TRPM2: variants seen among roughly 807,000 people sequenced by gnomAD.
TRPM2 encodes the protein estrogen-responsive element-associated gene 1 protein.
TRPM2 carries 161 observed loss-of-function variants against 174.0 expected under a neutral mutation model. That is an observed-to-expected ratio of 0.93 (90% CI 0.81 to 1.05). The LOEUF is 1.05. Ranked by LOEUF, TRPM2 falls within the 50% of genes least tolerant of loss-of-function variation. TRPM2 has a pLI of 0.00. For synonymous variants in TRPM2, 954 were observed against 861.3 expected, an observed-to-expected ratio of 1.11 and a Z score of -1.88; for missense variants, 2,057 against 2,038.0, an observed-to-expected ratio of 1.01 and a Z score of -0.18.
At chr21:44,405,345 A>C in intron 17 of TRPM2, 85 bp downstream of exon 17, 1 of 1,570,616 alleles carries the variant, frequency 6.4e-7, no homozygotes. Context: ...AGAACCAGCC[A>C]CACCGGGTGA....
rs1311035642 is a variant in TRPM2 at position 44,406,079 on chromosome 21, C to T, written c.2790+42C>T. 1.9e-6 allele frequency: 3 copies of T among 1,596,274 alleles called. No individual in the cohort carries two copies. The African/African-American group carries it at 4.0e-5, about 21-fold the overall frequency. Reference sequence around the variant, plus strand: ...ACCGGCTCCATCGCGGCCTGCAGCCCAGGGTGGGCCTCGGGGAGGGCAGGC... The same window carrying T: ...ACCGGCTCCATCGCGGCCTGCAGCCTAGGGTGGGCCTCGGGGAGGGCAGGC... On this transcript the variant is annotated intron_variant, in intron 18 of 31. Transcript: ENST00000397928.
chr21:44,395,292 C>A (rs1187526773), intron 11 of TRPM2, 122 bp from the exon 12 acceptor site: 8 of 1,254,286 alleles, frequency 6.4e-6, no homozygotes, highest in Non-Finnish European at 8.6e-6. Flanking sequence ...TGTAGTTCTC[C>A]AGGGACAGTG....
chr21:44,353,583 GTC>G, upstream of TRPM2: 1 of 1,282,588 alleles, frequency 7.8e-7, no homozygotes, highest in East Asian at 3.1e-5. Flanking sequence ...TCATCTTCCT[GTC>G]TCTGATCTAT....
In TRPM2 at chr21:44,439,265, T is replaced by C. The variant is rs2146428280; in HGVS notation, c.4269+97T>C. On this transcript the variant is annotated intron_variant, in intron 30 of 31. Coordinates refer to ENST00000397928, the MANE Select transcript of TRPM2 (RefSeq NM_003307.4). The surrounding 1 kb of genome is among the most constrained non-coding windows in gnomAD (Gnocchi z 5.1). ...GGGGACCTGCCCCAGCACCACTGGG[T>C]GGCAGCGGTCCCACCCAGCTTCACC... 4 of 1,147,920 alleles carry C rather than the reference T, an allele frequency of 3.5e-6. No individual in the cohort carries two copies. The South Asian group carries it at 4.0e-5, about 11-fold the overall frequency. 71.1% of individuals were successfully genotyped at this position (1,147,920 alleles called of 1,614,324 possible). A position where few individuals can be genotyped will look rare whatever the true frequency, so the allele number is the denominator to read the frequency against.
chr21:44,397,803 C>G lies in TRPM2; in HGVS notation c.1989C>G (p.Ser663=). 1 of 1,607,276 alleles carries G rather than the reference C, an allele frequency of 6.2e-7. No individual in the cohort carries two copies. Among genetic ancestry groups the G allele is most frequent in the Non-Finnish European group, 8.5e-7 (1 of 1,177,224 alleles). The change falls in exon 13 of 32, where the codon TCC becomes TCG. Residue 663 remains serine (S), a synonymous_variant. Coordinates refer to ENST00000397928, the MANE Select transcript of TRPM2 (RefSeq NM_003307.4). ...LACSKILKEL[S]KEEEDTDSSE... ...GCAGCAAGATCCTGAAGGAACTGTC[C>G]AAGGAGGAGGAGGACACGGACAGCT...
intron 9 of TRPM2, among the ~76,000 whole-genome samples, chr21:44,383,336 G>A (rs956809667): frequency 2.6e-5 from 4 of 152,128 alleles, no homozygotes; most frequent in Non-Finnish European, 5.9e-5. Flanking sequence ...ATGCCTCTTT[G>A]TCTTACCCAG....
rs1288169342 is a variant in TRPM2 at position 44,417,939 on chromosome 21, G to A, written c.3159G>A (p.Gln1053=). 1.2e-6 allele frequency: 2 copies of A among 1,611,700 alleles called. No individual in the cohort carries two copies. Among genetic ancestry groups the A allele is most frequent in the Non-Finnish European group, 1.7e-6 (2 of 1,179,480 alleles). The change falls in exon 21 of 32, where the codon CAG becomes CAA. Residue 1053 remains glutamine (Q), a synonymous_variant. Transcript: ENST00000397928. ...LLIAMFNYTF[Q]QVQEHTDQIW... ...TCCTCCCTGACAGCTACACCTTCCA[G>A]CAGGTGCAGGAGCACACGGACCAGA...
intron 16 of TRPM2, 50 bp from the exon 17 acceptor site, chr21:44,405,092 T>C (rs764793137): frequency 4.4e-6 from 7 of 1,607,492 alleles, no homozygotes; most frequent in Non-Finnish European, 6.0e-6. Flanking sequence ...ACAGTGAGGA[T>C]AGTAAGAGTG....
At chr21:44,440,077 C>G (rs1371801779) in intron 30 of TRPM2, among the ~76,000 whole-genome samples, 1 of 151,066 alleles carries the variant, frequency 6.6e-6, no homozygotes, top group African/African-American at 2.4e-5. Flanking sequence ...TGGCTCACAC[C>G]TGTAATCCCA....
At position 44,366,947 on chromosome 21, in the gene TRPM2, C is replaced by CT. The variant is rs764030349; in HGVS notation, c.604+14dup. 5 of 1,564,750 alleles carry CT rather than the reference C, an allele frequency of 3.2e-6. No individual in the cohort carries two copies. The African/African-American group carries it at 6.8e-5, about 21-fold the overall frequency. Reference sequence around the variant, plus strand: ...GCTCAGACCACAGGTAACTCGGAGGCTGGAGGGACACGAGGCCCCGGCGGG... The same window carrying CT: ...GCTCAGACCACAGGTAACTCGGAGGCTTGGAGGGACACGAGGCCCCGGCGGG... On this transcript the variant is annotated intron_variant, in intron 4 of 31. Transcript: ENST00000397928. This position sits in a 1 kb window ranked among gnomAD's most constrained non-coding sequence, Gnocchi z 6.0.
At chr21:44,359,743 G>GTGTA (rs1027928168) in intron 2 of TRPM2, among the ~76,000 whole-genome samples, 1 of 131,808 alleles carries the variant, frequency 7.6e-6, no homozygotes, top group African/African-American at 3.5e-5. Context: ...ACATATATAT[G>GTGTA]TATATATATA....
rs1486160850 is a variant in TRPM2, at chr21:44,438,016, T to C, written c.4167+849T>C. Among the ~76,000 whole-genome samples, 3 of 152,258 alleles carry C rather than the reference T, an allele frequency of 2.0e-5. No homozygotes were observed. The highest frequency in any genetic ancestry group is 1.3e-4 in the Admixed American group (2 of 15,292). ...TTTCTCTGACCCCGAGCTCACGGCC[T>C]GGTGGCTGCCTCTGCTGCTGTGGGA... On this transcript the variant is annotated intron_variant, in intron 29 of 31. Coordinates refer to ENST00000397928, the MANE Select transcript of TRPM2 (RefSeq NM_003307.4). The surrounding 1 kb of genome is among the most constrained non-coding windows in gnomAD (Gnocchi z 5.9).
chr21:44,374,720 C>T (rs966333051), intron 5 of TRPM2, among the ~76,000 whole-genome samples: 11 of 152,140 alleles, frequency 7.2e-5, no homozygotes, highest in African/African-American at 2.4e-4. Context: ...GGAGCTCGGA[C>T]AGTCACACAC....
chr21:44,379,004 A>T lies in TRPM2; in HGVS notation c.1022A>T (p.Asp341Val). 1.2e-6 allele frequency: 2 copies of T among 1,605,554 alleles called. No homozygotes were observed. The highest frequency in any genetic ancestry group is 1.7e-6 in the Non-Finnish European group (2 of 1,179,668). Residue 341 changes from aspartate to valine, a missense_variant, in exon 8 of 32, where the codon GAC becomes GTC. Transcript: ENST00000397928. Reference protein sequence around the residue: ...EGGPGTLHTIDNATTNGTPCV... With the variant: ...EGGPGTLHTIVNATTNGTPCV... Reference sequence around the variant, plus strand: ...CCCCCACCTGCCTTGCAGACCATCGACAACGCCACCACCAACGGCACCCCC... The same window carrying T: ...CCCCCACCTGCCTTGCAGACCATCGTCAACGCCACCACCAACGGCACCCCC...
Position 44,439,105 on chromosome 21 carries a change from GA to G in TRPM2, c.4208del (p.Lys1403SerfsTer16). 6.2e-7 allele frequency: 1 copy of G among 1,613,734 alleles called. No individual in the cohort carries two copies. The highest frequency in any genetic ancestry group is 8.5e-7 in the Non-Finnish European group (1 of 1,179,884). ...EPGEMLPRKL[K>X]RILRQEHWPS... ...CAGGGGAGATGCTACCTCGGAAGCT[GA>G]AGCGGATCCTCCGGCAGGAGCACTG... On this transcript the variant is annotated frameshift_variant, in exon 30 of 32. Transcript: ENST00000397928. LOFTEE classifies it high-confidence loss of function. This position sits in a 1 kb window ranked among gnomAD's most constrained non-coding sequence, Gnocchi z 5.1.
rs745605924 is a variant in TRPM2, at chr21:44,379,081, G to A, written c.1099G>A (p.Ala367Thr). ...GRVADVIAQV[A>T]NLPVSDITIS... ...CGTGGCCGACGTCATTGCCCAGGTG[G>A]CCAACCTGCCTGTCTCGGACATCAC... Residue 367 changes from alanine to threonine, a missense_variant, in exon 8 of 32, where the codon GCC becomes ACC. Coordinates refer to ENST00000397928, the MANE Select transcript of TRPM2 (RefSeq NM_003307.4). 4 of 1,612,874 alleles carry A rather than the reference G, an allele frequency of 2.5e-6. No individual in the cohort carries two copies. Among genetic ancestry groups the A allele is most frequent in the Non-Finnish European group, 3.4e-6 (4 of 1,180,040 alleles).
At chr21:44,415,603 G>A (rs2050253522) in intron 20 of TRPM2, 1 of 152,242 alleles carries the variant, frequency 6.6e-6, no homozygotes, top group South Asian at 2.1e-4. Context: ...ATTGCTTTAA[G>A]CTGCCAAGGC....
At chr21:44,378,310 T>A (rs544316297) in intron 7 of TRPM2, among the ~76,000 whole-genome samples, 1 of 152,292 alleles carries the variant, frequency 6.6e-6, no homozygotes, top group East Asian at 1.9e-4. Flanking sequence ...GCTGTAGGAA[T>A]GTACGAGGAC....
chr21:44,388,671 A>C (rs917604753), intron 9 of TRPM2, among the ~76,000 whole-genome samples: 1 of 144,494 alleles, frequency 6.9e-6, no homozygotes, highest in Non-Finnish European at 1.5e-5. Context: ...AAAAAAAAAA[A>C]CTAGTCAGGC....
Sources: allele counts gnomAD v4.1 joint callset (sites outside exome capture counted in the v4.1 genomes callset), GRCh38; gene constraint gnomAD v4.1.1; non-coding constraint Gnocchi (gnomAD v3.1); transcripts MANE v1.5; gene names NCBI Gene and HGNC (gene_info 2026-07-23, HGNC 2026-07-21).